The following VWA8 variants were observed in gnomAD, a reference collection of about 807,000 sequenced individuals.
VWA8 encodes von Willebrand factor A domain containing 8, also known as von Willebrand factor A domain-containing protein 8.
A neutral mutation model predicts 241.5 loss-of-function variants in VWA8; 221 were observed. The observed-to-expected ratio is 0.91, with a 90% CI of 0.82 to 1.02. The LOEUF (loss-of-function observed/expected upper bound fraction) is 1.02. Ranked by LOEUF, VWA8 falls within the 50% of genes least tolerant of loss-of-function variation. The pLI is 0.00. For missense variants in VWA8, 2,322 were observed against 2,328.7 expected (o/e 1.00, Z 0.06); for synonymous variants, 852 against 827.1 (o/e 1.03, Z -0.52).
intron 39 of VWA8, among the ~76,000 whole-genome samples, chr13:41,605,964 C>T (rs1341649576): frequency 6.6e-6 from 1 of 152,166 alleles, no homozygotes; most frequent in African/African-American, 2.4e-5. Flanking sequence ...CACCAGCACA[C>T]TAGAAGCTCC....
chr13:41,825,644 G>A (rs10507500), intron 14 of VWA8, among the ~76,000 whole-genome samples: 1 of 151,926 alleles, frequency 6.6e-6, no homozygotes, highest in African/African-American at 2.4e-5. Flanking sequence ...TTCTACCTTT[G>A]ACCTTTTTCT....
chr13:41,936,682 T>C (rs1386616387), intron 2 of VWA8, among the ~76,000 whole-genome samples: 1 of 152,170 alleles, frequency 6.6e-6, no homozygotes, highest in Non-Finnish European at 1.5e-5. Context: ...AGATCTATTG[T>C]ACAATATAGT....
intron 17 of VWA8, among the ~76,000 whole-genome samples, chr13:41,793,596 G>A (rs912650615): frequency 1.3e-5 from 2 of 152,160 alleles, no homozygotes; most frequent in East Asian, 1.9e-4. Flanking sequence ...GGTGGATCAC[G>A]AGGTCAAGAG....
At chr13:41,870,878 A>G (rs955693363) in intron 9 of VWA8, among the ~76,000 whole-genome samples, 1 of 152,170 alleles carries the variant, frequency 6.6e-6, no homozygotes, top group Non-Finnish European at 1.5e-5. Context: ...TAAAAATAGT[A>G]GGCCAGAATA....
At chr13:41,770,901 C>A (rs1488643119) in intron 20 of VWA8, among the ~76,000 whole-genome samples, 590 of 97,950 alleles carry the variant, frequency 6.0e-3, no homozygotes, top group African/African-American at 9.9e-3. Context: ...CTTAAAATGA[C>A]AAAAAAAAAA....
At chr13:41,871,054 C>T (rs1273713159) in intron 9 of VWA8, among the ~76,000 whole-genome samples, 1 of 152,100 alleles carries the variant, frequency 6.6e-6, no homozygotes, top group Non-Finnish European at 1.5e-5. Flanking sequence ...TGAAATCACC[C>T]TTACCTCTGT....
chr13:41,593,069 T>C (rs1391859737), intron 40 of VWA8, among the ~76,000 whole-genome samples: 6 of 152,148 alleles, frequency 3.9e-5, no homozygotes, highest in African/African-American at 7.2e-5. Context: ...AGCACTGTCG[T>C]TGGAAATACA....
chr13:41,878,718 C>T (rs953168744), intron 9 of VWA8, among the ~76,000 whole-genome samples: 8 of 152,006 alleles, frequency 5.3e-5, no homozygotes, highest in Non-Finnish European at 1.0e-4. Flanking sequence ...CCAATATAAA[C>T]GCAATCATTT....
At chr13:41,573,041 G>A (rs1242896892) in intron 43 of VWA8, among the ~76,000 whole-genome samples, 2 of 147,744 alleles carry the variant, frequency 1.4e-5, no homozygotes, top group East Asian at 2.0e-4. Context: ...TGTGGGAGGC[G>A]CAGGTTGTAG....
intron 13 of VWA8, among the ~76,000 whole-genome samples, chr13:41,830,892 AAAG>A (rs1871423404): frequency 6.6e-6 from 1 of 152,020 alleles, no homozygotes; most frequent in Admixed American, 6.6e-5. Context: ...GAGGAGGAAA[AAAG>A]AAAAGAGGAG....
At chr13:41,599,720 A>G (rs1394000084) in intron 40 of VWA8, among the ~76,000 whole-genome samples, 1 of 152,174 alleles carries the variant, frequency 6.6e-6, no homozygotes, top group Non-Finnish European at 1.5e-5. Flanking sequence ...CAGTCCCAGC[A>G]TGAGAACTTC....
At chr13:41,601,684 C>T (rs140999484) in intron 40 of VWA8, among the ~76,000 whole-genome samples, 3 of 152,122 alleles carry the variant, frequency 2.0e-5, no homozygotes, top group Middle Eastern at 3.4e-3. Flanking sequence ...TTCATGCAAT[C>T]GATTCACAAA....
chr13:41,701,249 TA>T, intron 28 of VWA8, 142 bp downstream of exon 28: 1 of 1,067,508 alleles, frequency 9.4e-7, no homozygotes, highest in Non-Finnish European at 1.3e-6. Context: ...AAATTAGTTC[TA>T]AATTACATAT....
rs762464761 is a variant in VWA8 at position 41,719,729 on chromosome 13, T to C, written c.2978A>G (p.Glu993Gly). Reference sequence around the variant, plus strand: ...ATTTCGAACTACACTGGAGAGACCTTCAGTCGGAAATTTCTGTATTAAAAA... The same window carrying C: ...ATTTCGAACTACACTGGAGAGACCTCCAGTCGGAAATTTCTGTATTAAAAA... The part of the protein sequence containing the change: ...IVKHLQKFPT[E>G]GLSSVVRNVF... The change falls in exon 26 of 45, where the codon GAA becomes GGA. Residue 993 changes from glutamate to glycine, a missense_variant. Transcript: ENST00000379310. 3.7e-6 allele frequency: 6 copies of C among 1,607,046 alleles called. No homozygotes were observed. In the South Asian group the frequency reaches 5.6e-5, roughly 15 times the overall value.
intron 8 of VWA8, among the ~76,000 whole-genome samples, chr13:41,884,074 G>A (rs985609046): frequency 5.9e-5 from 9 of 152,220 alleles, no homozygotes; most frequent in Non-Finnish European, 1.0e-4. Flanking sequence ...ATGATACTAT[G>A]GATTACTGTT....
chr13:41,734,038 G>C (rs2045505960), intron 21 of VWA8, among the ~76,000 whole-genome samples: 1 of 152,114 alleles, frequency 6.6e-6, no homozygotes, highest in South Asian at 2.1e-4. Context: ...TTCTCTTACG[G>C]GTAAGAAATG....
intron 21 of VWA8, among the ~76,000 whole-genome samples, chr13:41,760,691 G>A (rs2045732868): frequency 6.6e-6 from 1 of 151,924 alleles, no homozygotes; most frequent in Non-Finnish European, 1.5e-5. Context: ...GTAACTTTAA[G>A]GAAGGCAAGG....
intron 21 of VWA8, among the ~76,000 whole-genome samples, chr13:41,748,495 C>G (rs2045627861): frequency 2.0e-5 from 3 of 152,016 alleles, no homozygotes; most frequent in African/African-American, 7.3e-5. Context: ...CTCTTTTCTT[C>G]TTTATTAGTC....
At chr13:41,854,762 T>A (rs1872669500) in intron 12 of VWA8, among the ~76,000 whole-genome samples, 1 of 152,140 alleles carries the variant, frequency 6.6e-6, no homozygotes, top group Admixed American at 6.6e-5. Flanking sequence ...GGCCATTAAG[T>A]GATGCTGAAA....
Sources: allele counts gnomAD v4.1 joint callset (sites outside exome capture counted in the v4.1 genomes callset), GRCh38; gene constraint gnomAD v4.1.1; transcripts MANE v1.5; gene names NCBI Gene and HGNC (gene_info 2026-07-23, HGNC 2026-07-21).